AQP5: variants seen among roughly 807,000 people sequenced by gnomAD.
The protein encoded by AQP5 is aquaporin-5.
In AQP5, 15 loss-of-function variants were observed where a neutral mutation model predicts 19.1. The observed-to-expected ratio is 0.79, with a 90% confidence interval of 0.53 to 1.21. The LOEUF (loss-of-function observed/expected upper bound fraction) is 1.21. Among genes scored for constraint, AQP5 ranks in the 50% most tolerant of loss-of-function variants. AQP5 has a pLI of 0.00. For missense variants in AQP5, 355 were observed against 357.1 expected (o/e 0.99, Z 0.05); for synonymous variants, 182 against 160.3 (o/e 1.14, Z -1.02).
chr12:49,961,975 C>G lies in AQP5; in HGVS notation c.-43C>G. 1 of 1,292,482 alleles carries G rather than the reference C, an allele frequency of 7.7e-7. No individual in the cohort carries two copies. Among genetic ancestry groups the G allele is most frequent in the South Asian group, 2.4e-5 (1 of 40,820 alleles). 80.1% of individuals were successfully genotyped at this position (1,292,482 alleles called of 1,614,324 possible). On this transcript the variant is annotated 5_prime_UTR_variant, in exon 1 of 4. Coordinates refer to ENST00000293599, the MANE Select transcript of AQP5 (RefSeq NM_001651.4). The stretch of plus-strand genomic sequence containing the variant: ...CCTCCGCCGCCTGCGACCCAACGGG[C>G]GCCCCCCGCCGCGGCAGCTGCCGCC...
Position 49,961,940 on chromosome 12 carries a change from G to A in AQP5, c.-78G>A, listed in dbSNP as rs1304314811. The A allele has an allele frequency of 4.1e-6, 4 of 979,396 alleles. No homozygotes were observed. Among genetic ancestry groups the A allele is most frequent in the Non-Finnish European group, 3.9e-6 (3 of 763,354 alleles). 60.7% of individuals were successfully genotyped at this position (979,396 alleles called of 1,614,324 possible). A position where few individuals can be genotyped will look rare whatever the true frequency, so the allele number is the denominator to read the frequency against. Reference sequence around the variant, plus strand: ...CCGCAGCCAGGCCCCCGCCCCCGCCGCATCCACCTCCTCCGCCGCCTGCGA... The same window carrying A: ...CCGCAGCCAGGCCCCCGCCCCCGCCACATCCACCTCCTCCGCCGCCTGCGA... On this transcript the variant is annotated 5_prime_UTR_variant, in exon 1 of 4. Coordinates refer to ENST00000293599, the MANE Select transcript of AQP5 (RefSeq NM_001651.4).
intron 3 of AQP5, among the ~76,000 whole-genome samples, chr12:49,964,428 A>T (rs1947464944): frequency 6.6e-6 from 1 of 151,684 alleles, no homozygotes; most frequent in African/African-American, 2.4e-5. Context: ...GCTCTACTGA[A>T]CCTGGAGGTG....
At chr12:49,962,722 C>T (rs1357767694) in intron 1 of AQP5, 3 of 246,032 alleles carry the variant, frequency 1.2e-5, no homozygotes, top group East Asian at 7.5e-5. Context: ...CTCAGTGGAG[C>T]GGTTGAGTAG....
In AQP5 at chr12:49,965,625, AT is replaced by A. The variant is rs1430090868; in HGVS notation, c.*449del. 6.5e-6 allele frequency: 1 copy of A among 154,722 alleles called. No individual in the cohort carries two copies. The highest frequency in any genetic ancestry group is 2.4e-5 in the African/African-American group (1 of 41,486). 9.6% of individuals were successfully genotyped at this position (154,722 alleles called of 1,614,324 possible). A position where few individuals can be genotyped will look rare whatever the true frequency, so the allele number is the denominator to read the frequency against. On this transcript the variant is annotated 3_prime_UTR_variant, in exon 4 of 4. Coordinates refer to ENST00000293599, the MANE Select transcript of AQP5 (RefSeq NM_001651.4). ...CCTTATTTATTTCTGGTGAGGATGC[AT>A]GCGTGGGGCTGCTGGTGTTTAGAGT... is the stretch of plus-strand genomic sequence containing the variant.
Position 49,964,145 on chromosome 12 carries a change from G to T in AQP5, c.582G>T (p.Val194=). The T allele has an allele frequency of 6.2e-7, 1 of 1,614,148 alleles. No homozygotes were observed. The highest frequency in any genetic ancestry group is 2.2e-5 in the East Asian group (1 of 44,886). ...CAGCCCGCTCTTTTGGCCCTGCGGT[G>T]GTCATGAATCGGTTCAGCCCCGCTC... ...MNPARSFGPA[V]VMNRFSPAHW... The change falls in exon 3 of 4, where the codon GTG becomes GTT. Residue 194 remains valine, a synonymous_variant. Coordinates refer to ENST00000293599, the MANE Select transcript of AQP5 (RefSeq NM_001651.4).
chr12:49,964,963 C>T (rs752349898), intron 3 of AQP5, 29 bp from the exon 4 acceptor site: 17 of 1,597,650 alleles, frequency 1.1e-5, no homozygotes, highest in African/African-American at 4.0e-5. Flanking sequence ...TGGGGCTCAG[C>T]GCCCTGACTC....
intron 3 of AQP5, 199 bp from the exon 4 acceptor site, chr12:49,964,793 G>C: frequency 2.0e-6 from 2 of 985,370 alleles, no homozygotes; most frequent in Non-Finnish European, 2.4e-6. Flanking sequence ...AGGTGTCTGT[G>C]GTCCATGTCT....
chr12:49,964,282 G>A, intron 3 of AQP5, 107 bp downstream of exon 3: 1 of 1,209,116 alleles, frequency 8.3e-7, no homozygotes, highest in Non-Finnish European at 1.2e-6. Flanking sequence ...GAGCTTGGGG[G>A]TGGGCCACGG....
intron 3 of AQP5, 40 bp downstream of exon 3, chr12:49,964,215 C>T (rs1189367973): frequency 2.5e-6 from 4 of 1,585,902 alleles, no homozygotes; most frequent in Admixed American, 1.7e-5. Flanking sequence ...GAGATGAGGG[C>T]CTGGAGACCC....
rs1491417260 is a variant in AQP5 at position 49,962,390 on chromosome 12, CTG to C, written c.363+11_363+12del. On this transcript the variant is annotated intron_variant, in intron 1 of 3. Coordinates refer to ENST00000293599, the MANE Select transcript of AQP5 (RefSeq NM_001651.4). The stretch of plus-strand genomic sequence containing the variant: ...TCTGGCCGTCAACGCGGTGAGTGCC[CTG>C]GGGGGGGGGTGGGAGCCTCGACCCT... 3 of 1,380,018 alleles carry C rather than the reference CTG, an allele frequency of 2.2e-6. No individual in the cohort carries two copies. In the African/African-American group the frequency reaches 9.0e-5, roughly 42 times the overall value. The allele number at this position is 1,380,018 out of a possible 1,614,324, so 85.5% of individuals were successfully genotyped here. A position where few individuals can be genotyped will look rare whatever the true frequency, so the allele number is the denominator to read the frequency against.
At chr12:49,964,229 A>G in intron 3 of AQP5, 54 bp downstream of exon 3, 1 of 1,562,540 alleles carries the variant, frequency 6.4e-7, no homozygotes, top group African/African-American at 1.4e-5. Context: ...GAGACCCAGC[A>G]GTGGCAGCTC....
intron 3 of AQP5, 63 bp from the exon 4 acceptor site, chr12:49,964,928 TG>T: frequency 4.5e-6 from 7 of 1,558,404 alleles, no homozygotes; most frequent in South Asian, 2.5e-5. Flanking sequence ...CTCTGTGGGG[TG>T]GGGGGCATGT....
intron 2 of AQP5, 174 bp downstream of exon 2, chr12:49,963,830 C>T: frequency 9.8e-7 from 1 of 1,020,442 alleles, no homozygotes. Flanking sequence ...CCCCCAAAAC[C>T]TCTGGGCTGA....
Position 49,965,093 on chromosome 12 carries a change from C to G in AQP5, c.714C>G (p.Ile238Met), listed in dbSNP as rs959035539. The G allele has an allele frequency of 6.2e-7, 1 of 1,613,952 alleles. No homozygotes were observed. Among genetic ancestry groups the G allele is most frequent in the African/African-American group, 1.3e-5 (1 of 74,910 alleles). Residue 238 changes from isoleucine (I) to methionine (M), a missense_variant, in exon 4 of 4, where the codon ATC (isoleucine) becomes ATG (methionine). Transcript: ENST00000293599. ...TGAGCCTGAGTGAGCGTGTGGCCAT[C>G]ATCAAAGGCACGTATGAGCCTGACG... ...NSLSLSERVA[I>M]IKGTYEPDED...
At chr12:49,963,249 G>A (rs1018968617) in intron 1 of AQP5, among the ~76,000 whole-genome samples, 1 of 152,228 alleles carries the variant, frequency 6.6e-6, no homozygotes, top group African/African-American at 2.4e-5. Context: ...TGATAGGCCC[G>A]TGTCCAGGAA....
At chr12:49,963,087 G>A (rs942600526) in intron 1 of AQP5, among the ~76,000 whole-genome samples, 20 of 152,228 alleles carry the variant, frequency 1.3e-4, no homozygotes, top group Admixed American at 5.2e-4. Context: ...TGAGTCAGCC[G>A]CACTGGAGAG....
Position 49,963,673 on chromosome 12 carries a change from T to A in AQP5, c.528+17T>A, listed in dbSNP as rs761814233. 87 of 1,609,288 alleles carry A rather than the reference T, an allele frequency of 5.4e-5. No individual in the cohort carries two copies. Among genetic ancestry groups the A allele is most frequent in the Middle Eastern group, 3.3e-4 (2 of 6,048 alleles). On this transcript the variant is annotated intron_variant, in intron 2 of 3. Coordinates refer to ENST00000293599, the MANE Select transcript of AQP5 (RefSeq NM_001651.4). ...CTTGTCGGAGTGAGCAGTACCGACATTGGGCTGGGGTGAGGGTGGGGCAGG... is the reference window on the plus strand; with the variant it reads ...CTTGTCGGAGTGAGCAGTACCGACAATGGGCTGGGGTGAGGGTGGGGCAGG...
rs564252288 is a variant in AQP5, at chr12:49,964,654, A to G, written c.613-338A>G. The G allele has an allele frequency of 9.9e-5, 97 of 984,164 alleles. No homozygotes were observed. The East Asian group carries it at 1.7e-3, about 17-fold the overall frequency. The allele number at this position is 984,164 out of a possible 1,614,324, so 61.0% of individuals were successfully genotyped here. On this transcript the variant is annotated intron_variant, in intron 3 of 3. Transcript: ENST00000293599. ...CTGCTTCTATCCCTGCGTGGAGGGG[A>G]CACGCGCTCTGTTCATCCGTCTCTC...
intron 3 of AQP5, chr12:49,964,478 C>T (rs1346705575): frequency 1.5e-5 from 4 of 271,408 alleles, no homozygotes; most frequent in Non-Finnish European, 2.2e-5. Context: ...GATTTGGTGT[C>T]CGTCCCCCTC....
Sources: gnomAD v4.1 joint callset for allele counts (sites outside exome capture counted in the v4.1 genomes callset) on GRCh38, gnomAD v4.1.1 for gene constraint, MANE v1.5 for transcripts, NCBI Gene and HGNC (gene_info 2026-07-23, HGNC 2026-07-21) for gene names.